Variants in ZNF407 observed in about 807,000 individuals in gnomAD.
The protein encoded by ZNF407 is zinc finger protein 407.
Under a neutral mutation model 131.2 loss-of-function variants are expected in ZNF407, and 17 were observed. The observed-to-expected ratio is 0.13, with a 90% CI of 0.09 to 0.19. The LOEUF (loss-of-function observed/expected upper bound fraction) is 0.19, where lower values mean the gene tolerates loss of function less well. Ranked by LOEUF, ZNF407 falls within the 10% of genes least tolerant of loss-of-function variation. The probability of loss-of-function intolerance (pLI) is 1.00; values close to 1 mark genes in which losing one functional copy is unlikely to be tolerated. For synonymous variants in ZNF407, 1,156 were observed against 1,062.0 expected, an observed-to-expected ratio of 1.09 and a Z score of -1.72; for missense variants, 2,681 against 2,830.6, an observed-to-expected ratio of 0.95 and a Z score of 1.20.
intron 3 of ZNF407, among the ~76,000 whole-genome samples, chr18:74,701,536 C>T (rs1214163342): frequency 3.9e-5 from 6 of 152,116 alleles, no homozygotes; most frequent in South Asian, 2.1e-4. Flanking sequence ...AAGAAACAAA[C>T]GAGTACCAGA....
Position 74,632,935 on chromosome 18 carries a change from A to G in ZNF407, c.1916A>G (p.His639Arg), listed in dbSNP as rs1427702144. 3.8e-5 allele frequency: 61 copies of G among 1,613,144 alleles called. No homozygotes were observed. The highest frequency in any genetic ancestry group is 5.0e-5 in the Non-Finnish European group (59 of 1,179,698). ...GAAGAACACAAAGCCACCGAGAAGC[A>G]TATTAATTCATTGGTTCAACCAAAG... ...DVEEHKATEKHINSLVQPKTL... is the reference protein window; with the variant it reads ...DVEEHKATEKRINSLVQPKTL... Residue 639 changes from histidine (H) to arginine (R), a missense_variant, in exon 2 of 9, where the codon CAT becomes CGT. By Grantham distance (29) the His-to-Arg change is conservative. Coordinates refer to ENST00000299687, the MANE Select transcript of ZNF407 (RefSeq NM_017757.3).
intron 2 of ZNF407, 36 bp from the exon 3 acceptor site, chr18:74,640,972 C>T (rs1289832529): frequency 1.3e-6 from 2 of 1,494,242 alleles, no homozygotes; most frequent in Admixed American, 3.3e-5. Context: ...ATGTATTATT[C>T]AAAATCAAAT....
chr18:74,681,817 C>CT (rs905564163), intron 3 of ZNF407, among the ~76,000 whole-genome samples: 4 of 151,988 alleles, frequency 2.6e-5, no homozygotes, highest in Middle Eastern at 3.4e-3. Flanking sequence ...TGTAAAGTTG[C>CT]TTTTTTTTCC....
chr18:74,708,761 C>G (rs755012495), intron 3 of ZNF407, among the ~76,000 whole-genome samples: 2 of 152,212 alleles, frequency 1.3e-5, no homozygotes, highest in African/African-American at 4.8e-5. Flanking sequence ...GAACCCCGCA[C>G]GCGGCTTGAT....
At chr18:74,827,398 T>C (rs1349038571) in intron 4 of ZNF407, among the ~76,000 whole-genome samples, 1 of 152,170 alleles carries the variant, frequency 6.6e-6, no homozygotes, top group African/African-American at 2.4e-5. Flanking sequence ...CTTTATTTAT[T>C]TTTCTTAATT....
chr18:75,054,956 C>T (rs1027573595), intron 8 of ZNF407, among the ~76,000 whole-genome samples: 4 of 152,222 alleles, frequency 2.6e-5, no homozygotes, highest in East Asian at 1.9e-4. Context: ...TGCTCACACA[C>T]GTGTCGGCAC....
chr18:74,911,135 C>G (rs895177390), intron 7 of ZNF407, among the ~76,000 whole-genome samples: 2 of 152,262 alleles, frequency 1.3e-5, no homozygotes, highest in Non-Finnish European at 2.9e-5. Context: ...TTACATGTAG[C>G]TTTTCTCAAT....
chr18:74,951,687 TTGTA>T (rs1459112169), intron 8 of ZNF407, among the ~76,000 whole-genome samples: 2 of 152,234 alleles, frequency 1.3e-5, no homozygotes, highest in Non-Finnish European at 2.9e-5. Context: ...TATTCCCTCT[TTGTA>T]TGTAGGTTTT....
At chr18:74,854,472 T>A (rs555119221) in intron 4 of ZNF407, among the ~76,000 whole-genome samples, 2 of 152,218 alleles carry the variant, frequency 1.3e-5, no homozygotes, top group Non-Finnish European at 2.9e-5. Flanking sequence ...TTCCTTGGTT[T>A]TGAATCTATA....
chr18:74,652,423 A>C (rs1169756090), intron 3 of ZNF407, among the ~76,000 whole-genome samples: 4 of 152,066 alleles, frequency 2.6e-5, no homozygotes, highest in African/African-American at 9.7e-5. Context: ...TAAAATAAAA[A>C]TATATATCAT....
chr18:74,846,102 T>G (rs1183483252), intron 4 of ZNF407, among the ~76,000 whole-genome samples: 2 of 152,238 alleles, frequency 1.3e-5, no homozygotes, highest in Non-Finnish European at 2.9e-5. Flanking sequence ...GAAATTATTT[T>G]TGAGAGATGC....
At chr18:74,672,653 G>A (rs780405385) in intron 3 of ZNF407, among the ~76,000 whole-genome samples, 3 of 151,772 alleles carry the variant, frequency 2.0e-5, no homozygotes, top group African/African-American at 2.4e-5. Context: ...AGCACTGTTC[G>A]TCTGTTCATT....
intron 4 of ZNF407, among the ~76,000 whole-genome samples, chr18:74,792,078 C>T (rs1440375347): frequency 2.6e-5 from 4 of 152,240 alleles, no homozygotes; most frequent in South Asian, 4.2e-4. Context: ...GACAACATTT[C>T]CCCTCCTTGG....
intron 2 of ZNF407, among the ~76,000 whole-genome samples, chr18:74,640,231 A>G (rs761775551): frequency 3.2e-4 from 48 of 152,130 alleles, no homozygotes; most frequent in Non-Finnish European, 5.3e-4. Flanking sequence ...TACTGACACT[A>G]AGTGTGTAGA....
At chr18:74,658,421 C>G (rs1381858113) in intron 3 of ZNF407, among the ~76,000 whole-genome samples, 5 of 152,058 alleles carry the variant, frequency 3.3e-5, no homozygotes, top group Admixed American at 2.0e-4. Flanking sequence ...TGGCCTTCGT[C>G]TTTATTTTTT....
chr18:74,849,055 T>TC (rs1330792528), intron 4 of ZNF407, among the ~76,000 whole-genome samples: 14 of 144,292 alleles, frequency 9.7e-5, no homozygotes, highest in Admixed American at 2.1e-4. Context: ...TTTGTTTCTT[T>TC]TTTTTTTTTT....
intron 3 of ZNF407, among the ~76,000 whole-genome samples, chr18:74,738,313 G>C (rs1364485143): frequency 1.3e-5 from 2 of 150,244 alleles, no homozygotes; most frequent in Non-Finnish European, 3.0e-5. Context: ...CCAGCTACTT[G>C]GGAGGGTGAG....
At chr18:74,969,750 C>G (rs576262126) in intron 8 of ZNF407, among the ~76,000 whole-genome samples, 2 of 152,284 alleles carry the variant, frequency 1.3e-5, no homozygotes, top group East Asian at 3.9e-4. Context: ...CTTTTCCACA[C>G]GGACCTTGGG....
intron 8 of ZNF407, among the ~76,000 whole-genome samples, chr18:75,014,355 C>T (rs1973018464): frequency 6.6e-6 from 1 of 151,900 alleles, no homozygotes; most frequent in Non-Finnish European, 1.5e-5. Flanking sequence ...TTGTCCTTTT[C>T]TCAGTTTCTG....
Sources: allele counts gnomAD v4.1 joint callset (sites outside exome capture counted in the v4.1 genomes callset), GRCh38; gene constraint gnomAD v4.1.1; transcripts MANE v1.5; gene names NCBI Gene and HGNC (gene_info 2026-07-23, HGNC 2026-07-21).